The following RNF212B variants were observed in gnomAD, a reference collection of about 807,000 sequenced individuals.
RNF212B encodes the protein E3 ubiquitin-protein ligase RNF212B.
Under a neutral mutation model 55.5 loss-of-function variants are expected in RNF212B, and 52 were observed. That is an observed-to-expected ratio of 0.94 (90% CI 0.75 to 1.18). The LOEUF (loss-of-function observed/expected upper bound fraction) is 1.18. RNF212B is among the 50% of genes most tolerant of loss of function. The pLI is 0.00. For synonymous variants in RNF212B, 99 were observed against 121.4 expected (o/e 0.82, Z 1.21); for missense variants, 289 against 350.4 (o/e 0.82, Z 1.40).
At chr14:23,214,460 C>T (rs184353590) in intron 2 of RNF212B, among the ~76,000 whole-genome samples, 1 of 152,164 alleles carries the variant, frequency 6.6e-6, no homozygotes, top group East Asian at 1.9e-4. Context: ...CGCCAATGTA[C>T]TCCGGCCTGG....
intron 2 of RNF212B, among the ~76,000 whole-genome samples, chr14:23,210,190 G>A (rs1181327751): frequency 3.9e-5 from 6 of 152,068 alleles, no homozygotes; most frequent in Non-Finnish European, 7.4e-5. Context: ...CTATGACTAA[G>A]TTGAATCATG....
intron 2 of RNF212B, among the ~76,000 whole-genome samples, chr14:23,196,442 C>T (rs1330009421): frequency 6.6e-6 from 1 of 151,946 alleles, no homozygotes; most frequent in Non-Finnish European, 1.5e-5. Context: ...CTCAAAAAAA[C>T]AAAAACAAAA....
At chr14:23,228,992 A>G (rs1386272489) in intron 2 of RNF212B, among the ~76,000 whole-genome samples, 1 of 151,470 alleles carries the variant, frequency 6.6e-6, no homozygotes, top group African/African-American at 2.4e-5. Flanking sequence ...ACTAACAGAA[A>G]CTCTTCACCC....
intron 4 of RNF212B, among the ~76,000 whole-genome samples, chr14:23,257,722 A>G (rs1414348350): frequency 1.3e-5 from 2 of 152,220 alleles, no homozygotes; most frequent in African/African-American, 2.4e-5. Context: ...GCAAATGGTA[A>G]AGTGAGGCAA....
chr14:23,232,874 C>A lies in RNF212B; in HGVS notation c.-1-7471C>A, dbSNP rs545606811. 3.1e-3 allele frequency among the ~76,000 whole-genome samples: 343 copies of A among 110,854 alleles called. 1 individual carries two copies. Among genetic ancestry groups the A allele is most frequent in the African/African-American group, 8.9e-3 (326 of 36,754 alleles). The allele number at this position is 110,854 out of a possible 152,430, so 72.7% of individuals were successfully genotyped here. A position where few individuals can be genotyped will look rare whatever the true frequency, so the allele number is the denominator to read the frequency against. On this transcript the variant is annotated intron_variant, in intron 2 of 15. Coordinates refer to the RNF212B transcript ENST00000399910. ...CTGCCCCGTCTGGGAAGTGAGGAGC[C>A]CCTCTGCCCGGCCACCACCCCATCT... is the stretch of plus-strand genomic sequence containing the variant.
intron 2 of RNF212B, among the ~76,000 whole-genome samples, chr14:23,229,319 G>C (rs532831963): frequency 7.5e-6 from 1 of 132,826 alleles, no homozygotes; most frequent in African/African-American, 2.8e-5. Flanking sequence ...CTATCTTTTG[G>C]TTATTGTGAA....
chr14:23,250,697 C>T (rs1884341070), intron 4 of RNF212B, among the ~76,000 whole-genome samples: 1 of 152,120 alleles, frequency 6.6e-6, no homozygotes, highest in Non-Finnish European at 1.5e-5. Context: ...AGATTGAGGA[C>T]ATGCGCCTCA....
At chr14:23,244,258 T>A in intron 3 of RNF212B, 64 bp from the exon 4 acceptor site, 1 of 922,598 alleles carries the variant, frequency 1.1e-6, no homozygotes, top group Middle Eastern at 2.2e-4. Context: ...TTTTGTCATG[T>A]TAGTCAGTAT....
At chr14:23,209,033 C>G (rs1278609207) in intron 2 of RNF212B, among the ~76,000 whole-genome samples, 2 of 152,156 alleles carry the variant, frequency 1.3e-5, no homozygotes, top group Admixed American at 1.3e-4. Context: ...GCTGGGATTA[C>G]AGGCGTGAGC....
At chr14:23,243,207 T>C in intron 2 of RNF212B, 49 bp from the exon 3 acceptor site, 1 of 1,431,854 alleles carries the variant, frequency 7.0e-7, no homozygotes, top group Non-Finnish European at 9.6e-7. Flanking sequence ...TCTTTAAATC[T>C]TACCTCATGC....
chr14:23,239,993 AAC>A (rs35948084), intron 1 of RNF212B, among the ~76,000 whole-genome samples: 57 of 145,372 alleles, frequency 3.9e-4, no homozygotes, highest in South Asian at 1.3e-3. Flanking sequence ...AGTAAAGGAA[AAC>A]ACACACACAC....
chr14:23,262,890 G>A (rs1885403773), intron 8 of RNF212B, 38 bp from the exon 9 acceptor site: 3 of 1,547,770 alleles, frequency 1.9e-6, no homozygotes, highest in Non-Finnish European at 8.7e-7. Context: ...GCATACCATT[G>A]ATGGCAACTT....
At chr14:23,264,109 C>T in intron 9 of RNF212B, 65 bp from the exon 10 acceptor site, 1 of 1,345,912 alleles carries the variant, frequency 7.4e-7, no homozygotes, top group South Asian at 1.3e-5. Context: ...AACAAAAAAA[C>T]AACAACAATA....
intron 2 of RNF212B, among the ~76,000 whole-genome samples, chr14:23,210,636 G>C (rs956913150): frequency 6.6e-6 from 1 of 151,346 alleles, no homozygotes; most frequent in Non-Finnish European, 1.5e-5. Context: ...AATTAGCTGG[G>C]TGTGGTGGTG....
At chr14:23,248,851 T>G (rs1314509393) in intron 4 of RNF212B, among the ~76,000 whole-genome samples, 1 of 152,188 alleles carries the variant, frequency 6.6e-6, no homozygotes, top group Admixed American at 6.5e-5. Flanking sequence ...GGGAGTTGAG[T>G]GTCAACAAAT....
chr14:23,269,564 A>G (rs1050323140), intron 12 of RNF212B, among the ~76,000 whole-genome samples: 5 of 151,894 alleles, frequency 3.3e-5, no homozygotes, highest in African/African-American at 1.2e-4. Flanking sequence ...AGACCTAATT[A>G]CCCGGGCTTG....
At chr14:23,230,668 A>C (rs1430469734) in intron 2 of RNF212B, among the ~76,000 whole-genome samples, 1 of 150,844 alleles carries the variant, frequency 6.6e-6, no homozygotes, top group African/African-American at 2.4e-5. Flanking sequence ...AAAAAAAAAA[A>C]AAAAAAAAAA....
In RNF212B at chr14:23,272,702, T is replaced by C. The variant is rs375635832; in HGVS notation, c.835-121T>C. 4 of 705,138 alleles carry C rather than the reference T, an allele frequency of 5.7e-6. No homozygotes were observed. The East Asian group carries it at 8.2e-5, about 14-fold the overall frequency. 43.7% of individuals were successfully genotyped at this position (705,138 alleles called of 1,614,324 possible). On this transcript the variant is annotated intron_variant, in intron 14 of 14. Coordinates refer to ENST00000430154, the MANE Select transcript of RNF212B (RefSeq NM_001282322.3). ...TTAGTTATCATGCAATGAAGAAAAC[T>C]ATGGGGAAGCAAAAGCAGTGGTGTC...
rs1284911051 is a variant in RNF212B, at chr14:23,262,912, CT to C, written c.482-13del. ...ATTGATGGCAACTTTTTATTCTGTA[CT>C]TTATTCTCTTTCAGTTACCCCACGA... On this transcript the variant is annotated splice_polypyrimidine_tract_variant and intron_variant, in intron 8 of 14. Coordinates refer to ENST00000430154, the MANE Select transcript of RNF212B (RefSeq NM_001282322.3). The C allele has an allele frequency of 2.6e-6, 4 of 1,550,342 alleles. 1 individual carries two copies. In the South Asian group the frequency reaches 4.8e-5, roughly 18 times the overall value.
Sources: allele counts gnomAD v4.1 joint callset (sites outside exome capture counted in the v4.1 genomes callset), GRCh38; gene constraint gnomAD v4.1.1; transcripts MANE v1.5; gene names NCBI Gene and HGNC (gene_info 2026-07-23, HGNC 2026-07-21).